The following SACM1L variants were observed in gnomAD, a reference collection of about 807,000 sequenced individuals.
SACM1L encodes the protein SAC1 like phosphatidylinositide phosphatase, also known as phosphatidylinositol-3-phosphatase SAC1.
SACM1L carries 32 observed loss-of-function variants against 89.5 expected under a neutral mutation model. The observed-to-expected ratio is 0.36, with a 90% CI of 0.27 to 0.48. The LOEUF is 0.48. Ranked by LOEUF, SACM1L falls within the 20% of genes least tolerant of loss-of-function variation. The pLI, the probability that SACM1L is intolerant of heterozygous loss-of-function variation, is 0.99. For synonymous variants in SACM1L, 213 were observed against 232.8 expected (o/e 0.92, Z 0.77); for missense variants, 543 against 708.5 (o/e 0.77, Z 2.65).
At chr3:45,709,343 C>T (rs1318166107) in intron 4 of SACM1L, among the ~76,000 whole-genome samples, 155 bp from the exon 5 acceptor site, 1 of 152,158 alleles carries the variant, frequency 6.6e-6, no homozygotes, top group African/African-American at 2.4e-5. Flanking sequence ...TGTCCTACAT[C>T]CCAGGGAAAT....
chr3:45,700,254 C>T (rs1698235551), intron 1 of SACM1L, among the ~76,000 whole-genome samples: 1 of 152,170 alleles, frequency 6.6e-6, no homozygotes, highest in South Asian at 2.1e-4. Flanking sequence ...AGTTATTGAA[C>T]AGGTAACACA....
intron 1 of SACM1L, chr3:45,690,247 C>A (rs1325842085): frequency 2.6e-5 from 4 of 152,186 alleles, no homozygotes; most frequent in African/African-American, 4.8e-5. Flanking sequence ...TTAAAAACAA[C>A]ATGTGTTTAT....
At chr3:45,704,355 G>A (rs1698338307) in intron 2 of SACM1L, among the ~76,000 whole-genome samples, 1 of 152,174 alleles carries the variant, frequency 6.6e-6, no homozygotes, top group Non-Finnish European at 1.5e-5. Context: ...ATAATGGGGT[G>A]TAAGACAAGT....
At chr3:45,743,407 G>T (rs1699357163) in intron 19 of SACM1L, 126 bp from the exon 20 acceptor site, 1 of 964,876 alleles carries the variant, frequency 1.0e-6, no homozygotes, top group East Asian at 2.5e-5. Flanking sequence ...TAATTAAGAG[G>T]TTCTTATATT....
At chr3:45,721,415 G>T (rs1575401628) in intron 8 of SACM1L, among the ~76,000 whole-genome samples, 1 of 152,172 alleles carries the variant, frequency 6.6e-6, no homozygotes, top group Non-Finnish European at 1.5e-5. Flanking sequence ...CCAGCTACTT[G>T]AGAGGCTAAG....
chr3:45,731,276 C>T, intron 11 of SACM1L, 25 bp from the exon 12 acceptor site: 1 of 1,529,210 alleles, frequency 6.5e-7, no homozygotes, highest in Non-Finnish European at 9.0e-7. Context: ...AAACTGGAAA[C>T]TATGGTGTTT....
intron 6 of SACM1L, chr3:45,713,417 A>G (rs1698571290): frequency 2.7e-6 from 1 of 370,148 alleles, no homozygotes; most frequent in African/African-American, 2.1e-5. Flanking sequence ...TTAAATAAAA[A>G]TACATTGCTT....
At position 45,705,135 on chromosome 3, in the gene SACM1L, T is replaced by G; in HGVS notation, c.131T>G (p.Val44Gly). 1.9e-6 allele frequency: 3 copies of G among 1,594,602 alleles called. 1 individual carries two copies. The South Asian group carries it at 3.4e-5, about 18-fold the overall frequency. Residue 44 changes from valine to glycine, a missense_variant and splice_region_variant, in exon 3 of 20, where the codon GTC becomes GGC. Val to Gly is a moderately radical substitution (Grantham distance 109, BLOSUM62 -3). This residue lies in a region of SACM1L where 173 missense variants were observed against 180.9 expected (regional missense o/e 0.96). Coordinates refer to ENST00000389061, the MANE Select transcript of SACM1L (RefSeq NM_014016.5). The part of the protein sequence containing the change: ...DRVSTEVTLA[V>G]KKDVPPSAVT... The stretch of plus-strand genomic sequence containing the variant: ...TTTCTTTCTTTCCTTTCTTTTAAAG[T>G]CAAGAAAGATGTTCCTCCTTCAGCT...
chr3:45,719,343 G>A (rs953459595), intron 7 of SACM1L, among the ~76,000 whole-genome samples, 157 bp from the exon 8 acceptor site: 1 of 152,118 alleles, frequency 6.6e-6, no homozygotes. Flanking sequence ...CTTCACAGTT[G>A]ATTATAGTAC....
chr3:45,743,743 T>C lies in SACM1L; in HGVS notation c.*74T>C. ...AACTGGAGTCTTTACTGACCCGCTT[T>C]CCACATCAGCCCAAGGTCTTTTTAA... On this transcript the variant is annotated 3_prime_UTR_variant, in exon 20 of 20. Transcript: ENST00000389061. The C allele has an allele frequency of 6.7e-7, 1 of 1,503,378 alleles. No homozygotes were observed. Among genetic ancestry groups the C allele is most frequent in the Non-Finnish European group, 8.9e-7 (1 of 1,119,140 alleles). The allele number at this position is 1,503,378 out of a possible 1,614,324, so 93.1% of individuals were successfully genotyped here.
At chr3:45,723,948 A>T (rs569593138) in intron 11 of SACM1L, among the ~76,000 whole-genome samples, 2 of 124,364 alleles carry the variant, frequency 1.6e-5, no homozygotes, top group Non-Finnish European at 3.5e-5. Flanking sequence ...GTATGCATAT[A>T]TGCACACACA....
At chr3:45,691,344 C>T (rs1053193003) in intron 1 of SACM1L, among the ~76,000 whole-genome samples, 1 of 152,034 alleles carries the variant, frequency 6.6e-6, no homozygotes, top group Non-Finnish European at 1.5e-5. Flanking sequence ...ATTTTTATTC[C>T]TTCCTTTTGG....
At chr3:45,733,699 G>A (rs186240369) in intron 13 of SACM1L, among the ~76,000 whole-genome samples, 11 of 152,250 alleles carry the variant, frequency 7.2e-5, no homozygotes, top group East Asian at 3.9e-4. Flanking sequence ...TCCAGTATTC[G>A]TTGTTTGCTG....
At chr3:45,713,281 C>G (rs1698568886) in intron 6 of SACM1L, 85 bp downstream of exon 6, 1 of 1,037,064 alleles carries the variant, frequency 9.6e-7, no homozygotes, top group Non-Finnish European at 1.4e-6. Context: ...TCCTAATCAC[C>G]AAGAATTTCG....
At chr3:45,730,630 T>G (rs1248466367) in intron 11 of SACM1L, 1 of 152,270 alleles carries the variant, frequency 6.6e-6, no homozygotes, top group African/African-American at 2.4e-5. Flanking sequence ...AGGTTTAAGG[T>G]CTTCTCAGGA....
intron 13 of SACM1L, among the ~76,000 whole-genome samples, chr3:45,734,064 A>G (rs886423272): frequency 9.9e-5 from 15 of 151,202 alleles, no homozygotes; most frequent in African/African-American, 3.4e-4. Context: ...ATAATACCCA[A>G]TTGTTCTTTA....
chr3:45,718,387 T>A (rs551635243), intron 7 of SACM1L, among the ~76,000 whole-genome samples: 2 of 152,068 alleles, frequency 1.3e-5, no homozygotes, highest in East Asian at 3.9e-4. Flanking sequence ...ACTGAGTGGA[T>A]AGTAGTTACT....
chr3:45,700,223 T>A (rs1165824266), intron 1 of SACM1L, among the ~76,000 whole-genome samples: 3 of 152,190 alleles, frequency 2.0e-5, no homozygotes, highest in Non-Finnish European at 2.9e-5. Context: ...ATAATAATCT[T>A]TTTATGTTAA....
In SACM1L at chr3:45,702,064, T is replaced by A. The variant is rs1559537471; in HGVS notation, c.33-1374T>A. 2.0e-5 allele frequency among the ~76,000 whole-genome samples: 3 copies of A among 152,208 alleles called. No individual in the cohort carries two copies. In the South Asian group the frequency reaches 6.2e-4, roughly 31 times the overall value. On this transcript the variant is annotated intron_variant, in intron 1 of 19. Coordinates refer to ENST00000389061, the MANE Select transcript of SACM1L (RefSeq NM_014016.5). Reference sequence around the variant, plus strand: ...TGAAGATTGCTGTATTTGAAGCAGATTTGCTTTCTTTGTTGTATTGATTTT... The same window carrying A: ...TGAAGATTGCTGTATTTGAAGCAGAATTGCTTTCTTTGTTGTATTGATTTT...
Sources: allele counts gnomAD v4.1 joint callset (sites outside exome capture counted in the v4.1 genomes callset), GRCh38; gene constraint gnomAD v4.1.1; regional missense constraint gnomAD v4.1.1; transcripts MANE v1.5; gene names NCBI Gene and HGNC (gene_info 2026-07-23, HGNC 2026-07-21).